The following SLC9C2 variants were observed in gnomAD, a reference collection of about 807,000 sequenced individuals.
The protein encoded by SLC9C2 is solute carrier family 9 member C2 (putative).
In SLC9C2, 75 loss-of-function variants were observed where a neutral mutation model predicts 140.2. That is an observed-to-expected ratio of 0.53 (90% CI 0.44 to 0.65). SLC9C2 has a LOEUF of 0.65. Ranked by LOEUF, SLC9C2 falls within the 30% of genes least tolerant of loss-of-function variation. The pLI, the probability that SLC9C2 is intolerant of heterozygous loss-of-function variation, is 0.00. For missense variants in SLC9C2, 1,074 were observed against 1,331.8 expected, an observed-to-expected ratio of 0.81 and a Z score of 3.01; for synonymous variants, 375 against 420.9, an observed-to-expected ratio of 0.89 and a Z score of 1.34.
At chr1:173,549,413 AT>A (rs1349104487) in intron 11 of SLC9C2, among the ~76,000 whole-genome samples, 4 of 152,204 alleles carry the variant, frequency 2.6e-5, no homozygotes, top group African/African-American at 9.7e-5. Context: ...TGGATTTAAA[AT>A]TCCCATGGCT....
intron 9 of SLC9C2, among the ~76,000 whole-genome samples, chr1:173,569,948 C>A (rs1405246192): frequency 6.6e-6 from 1 of 152,150 alleles, no homozygotes; most frequent in Non-Finnish European, 1.5e-5. Context: ...CCACCACTAC[C>A]ACCAGTCCCA....
In SLC9C2 at chr1:173,533,678, G is replaced by C; in HGVS notation, c.2094C>G (p.Asn698Lys). Residue 698 changes from asparagine (N) to lysine (K), a missense_variant, in exon 17 of 28, where the codon AAC becomes AAG. Transcript: ENST00000367714. ...TTACTGTAAGCTGTATAAGAGCCAA[G>C]TTGTCTGGTCTCAATTTCACAAAGT... ...CVYFVKLRPD[N>K]LALIQLTVIM... is the part of the protein sequence containing the mutation. 1.2e-6 allele frequency: 2 copies of C among 1,612,168 alleles called. No homozygotes were observed. Among genetic ancestry groups the C allele is most frequent in the Non-Finnish European group, 1.7e-6 (2 of 1,178,558 alleles).
chr1:173,533,989 A>G (rs1661771711), intron 16 of SLC9C2, among the ~76,000 whole-genome samples, 192 bp from the exon 17 acceptor site: 1 of 152,170 alleles, frequency 6.6e-6, no homozygotes, highest in South Asian at 2.1e-4. Context: ...TTTAAAATAT[A>G]TACTCTATAA....
intron 26 of SLC9C2, among the ~76,000 whole-genome samples, chr1:173,504,247 C>T (rs1331255366): frequency 6.6e-6 from 1 of 152,164 alleles, no homozygotes; most frequent in Non-Finnish European, 1.5e-5. Flanking sequence ...ACAGGAACCT[C>T]TGAGGTTCAA....
chr1:173,517,143 C>T (rs1660478233), intron 23 of SLC9C2, among the ~76,000 whole-genome samples: 1 of 152,118 alleles, frequency 6.6e-6, no homozygotes, highest in Admixed American at 6.5e-5. Flanking sequence ...ATATATTTTG[C>T]CCACTTTTTA....
chr1:173,550,872 A>AAG lies in SLC9C2; in HGVS notation c.1298-2322_1298-2321dup, dbSNP rs143296396. 8.7e-3 allele frequency among the ~76,000 whole-genome samples: 756 copies of AAG among 86,442 alleles called. 16 individuals are homozygous for AAG. Among genetic ancestry groups the AAG allele is most frequent in the South Asian group, 0.019 (51 of 2,644 alleles). 56.7% of individuals were successfully genotyped at this position (86,442 alleles called of 152,430 possible). A position where few individuals can be genotyped will look rare whatever the true frequency, so the allele number is the denominator to read the frequency against. On this transcript the variant is annotated intron_variant, in intron 11 of 27. Coordinates refer to ENST00000367714, the MANE Select transcript of SLC9C2 (RefSeq NM_178527.4). ...CCTGGGCAAGATAGTGAGCCGTTGA[A>AAG]AGAGAGAGAGAGAGAGAGAGAGAGA...
intron 7 of SLC9C2, 65 bp from the exon 8 acceptor site, chr1:173,576,825 T>G: frequency 1.1e-6 from 1 of 950,526 alleles, no homozygotes; most frequent in South Asian, 1.6e-5. Flanking sequence ...CTGAGACACT[T>G]TATCTTGAAT....
chr1:173,528,736 T>C (rs1321642753), intron 18 of SLC9C2, among the ~76,000 whole-genome samples: 1 of 152,202 alleles, frequency 6.6e-6, no homozygotes, highest in Non-Finnish European at 1.5e-5. Context: ...CACATAATCA[T>C]TGTAGTAATC....
intron 10 of SLC9C2, among the ~76,000 whole-genome samples, chr1:173,556,613 A>G (rs1364338703): frequency 6.6e-6 from 1 of 152,110 alleles, no homozygotes; most frequent in Admixed American, 6.5e-5. Flanking sequence ...TCTGATGGCT[A>G]TTGAAAAATT....
chr1:173,521,267 G>C, intron 22 of SLC9C2, 34 bp downstream of exon 22: 2 of 835,258 alleles, frequency 2.4e-6, no homozygotes, highest in Non-Finnish European at 3.3e-6. Context: ...TACATTTTAA[G>C]TAAAAAAAAA....
chr1:173,535,742 A>G, intron 15 of SLC9C2, 88 bp downstream of exon 15: 3 of 1,369,864 alleles, frequency 2.2e-6, no homozygotes, highest in Non-Finnish European at 2.9e-6. Flanking sequence ...GTTTTTCTCA[A>G]ATAAGGAAAA....
At chr1:173,515,392 C>A (rs918122019) in intron 23 of SLC9C2, among the ~76,000 whole-genome samples, 1 of 152,096 alleles carries the variant, frequency 6.6e-6, no homozygotes, top group Non-Finnish European at 1.5e-5. Context: ...TCTCTGCATG[C>A]CTTATTTCAG....
chr1:173,525,322 T>C (rs1044793046), intron 19 of SLC9C2, among the ~76,000 whole-genome samples: 1 of 152,208 alleles, frequency 6.6e-6, no homozygotes, highest in African/African-American at 2.4e-5. Flanking sequence ...GGTGGGTCTT[T>C]CTGAGATCAA....
intron 9 of SLC9C2, among the ~76,000 whole-genome samples, chr1:173,558,156 T>C (rs1319728580): frequency 1.3e-5 from 2 of 152,292 alleles, no homozygotes; most frequent in East Asian, 3.9e-4. Context: ...TGAAAACAGA[T>C]GTGTTCTTAG....
At chr1:173,513,960 T>A (rs1027847665) in intron 23 of SLC9C2, among the ~76,000 whole-genome samples, 2 of 151,686 alleles carry the variant, frequency 1.3e-5, no homozygotes, top group African/African-American at 2.4e-5. Context: ...TAGTTCAATT[T>A]CCATGGTTTT....
intron 3 of SLC9C2, among the ~76,000 whole-genome samples, chr1:173,599,520 G>A (rs551775227): frequency 2.7e-4 from 40 of 150,366 alleles, no homozygotes; most frequent in African/African-American, 9.5e-4. Flanking sequence ...GACTACAGGC[G>A]CCCGCCACAA....
rs370842614 is a variant in SLC9C2 at position 173,533,016 on chromosome 1, T to C, written c.2163+593A>G. On this transcript the variant is annotated intron_variant, in intron 17 of 27. Coordinates refer to ENST00000367714, the MANE Select transcript of SLC9C2 (RefSeq NM_178527.4). ...AGCAGGTAGAGGGTAATCAGGAGGA[T>C]GAGGTAGAAATTGAGGGTGTGAAGG... Among the ~76,000 whole-genome samples the C allele has an allele frequency of 3.2e-4, 49 of 152,030 alleles. No homozygotes were observed. In the Middle Eastern group the frequency reaches 0.01, roughly 32 times the overall value.
chr1:173,507,508 G>GCACACACACACA lies in SLC9C2; in HGVS notation c.3040-479_3040-468dup, dbSNP rs148480049. ...AGGGAGTTATTATGGGTTGAATTGT[G>GCACACACACACA]CACACACACACACACACACACACCA... On this transcript the variant is annotated intron_variant, in intron 24 of 27. Coordinates refer to ENST00000367714, the MANE Select transcript of SLC9C2 (RefSeq NM_178527.4). Among the ~76,000 whole-genome samples, 24 of 128,190 alleles carry GCACACACACACA rather than the reference G, an allele frequency of 1.9e-4. No homozygotes were observed. The South Asian group carries it at 2.6e-3, about 14-fold the overall frequency. The allele number at this position is 128,190 out of a possible 152,430, so 84.1% of individuals were successfully genotyped here. A position where few individuals can be genotyped will look rare whatever the true frequency, so the allele number is the denominator to read the frequency against.
At chr1:173,526,092 G>A (rs920459371) in intron 19 of SLC9C2, among the ~76,000 whole-genome samples, 2 of 152,136 alleles carry the variant, frequency 1.3e-5, no homozygotes, top group African/African-American at 2.4e-5. Context: ...CCCTCTACCA[G>A]ATGCTTTTGC....
Sources: gnomAD v4.1 joint callset for allele counts (sites outside exome capture counted in the v4.1 genomes callset) on GRCh38, gnomAD v4.1.1 for gene constraint, MANE v1.5 for transcripts, NCBI Gene and HGNC (gene_info 2026-07-23, HGNC 2026-07-21) for gene names.